ARHGAP12: variants seen among roughly 807,000 people sequenced by gnomAD.
ARHGAP12 encodes the protein Rho GTPase activating protein 12.
In ARHGAP12, 64 loss-of-function variants were observed where a neutral mutation model predicts 108.6. The ratio of observed to expected loss-of-function variants is 0.59; its 90% CI spans 0.48 to 0.73. The LOEUF (loss-of-function observed/expected upper bound fraction) is 0.73. ARHGAP12 is among the 30% of genes least tolerant of loss of function. The pLI is 0.00. For missense variants in ARHGAP12, 940 were observed against 1,005.9 expected (o/e 0.93, Z 0.89); for synonymous variants, 312 against 337.2 (o/e 0.93, Z 0.82).
At position 31,861,443 on chromosome 10, in the gene ARHGAP12, C is replaced by A. The variant is rs1328076290; in HGVS notation, c.900G>T (p.Arg300=). The stretch of plus-strand genomic sequence containing the variant: ...AATCTCCTTTGCTGATGCTTGCATC[C>A]CGAGTCCAACGAGGAGGTTTCCAAG... ...ERTWKPPRWT[R]DASISKGDFQ... The change falls in exon 4 of 20, where the codon CGG becomes CGT. Residue 300 remains arginine, a synonymous_variant. Transcript: ENST00000344936. The A allele has an allele frequency of 1.9e-6, 3 of 1,613,984 alleles. No individual in the cohort carries two copies. In the African/African-American group the frequency reaches 4.0e-5, roughly 22 times the overall value.
intron 3 of ARHGAP12, among the ~76,000 whole-genome samples, chr10:31,897,763 AAAC>A (rs1413761441): frequency 3.3e-5 from 5 of 152,314 alleles, no homozygotes; most frequent in Admixed American, 6.5e-5. Context: ...CAGTATGAAG[AAAC>A]AAAGCAAGCA....
Position 31,807,733 on chromosome 10 carries a change from T to C in ARHGAP12, c.2466A>G (p.Ile822Met), listed in dbSNP as rs974173371. Residue 822 changes from isoleucine to methionine, a missense_variant, in exon 20 of 20, where the codon ATA becomes ATG. Transcript: ENST00000344936. The part of the protein sequence containing the change: ...LLKPEKETGN[I>M]AVHTVYQNQI... ...GATTCTGGTACACAGTATGAACTGC[T>C]ATATTACCAGTCTCTTTTTCTGGTT... is the stretch of plus-strand genomic sequence containing the variant. 1.2e-6 allele frequency: 2 copies of C among 1,609,326 alleles called. No homozygotes were observed. The highest frequency in any genetic ancestry group is 1.3e-5 in the African/African-American group (1 of 74,624).
intron 14 of ARHGAP12, 111 bp downstream of exon 14, chr10:31,814,148 C>CT (rs1835116291): frequency 2.0e-5 from 17 of 833,832 alleles, no homozygotes; most frequent in Non-Finnish European, 3.4e-5. Flanking sequence ...ACTGCACAGC[C>CT]CTTTTGTAAC....
chr10:31,898,057 A>G (rs1259966786), intron 3 of ARHGAP12, among the ~76,000 whole-genome samples: 1 of 152,114 alleles, frequency 6.6e-6, no homozygotes, highest in African/African-American at 2.4e-5. Flanking sequence ...CCAGGAGGTC[A>G]AGGCTGCAGT....
chr10:31,896,606 A>G (rs1310040378), intron 3 of ARHGAP12, among the ~76,000 whole-genome samples: 1 of 152,174 alleles, frequency 6.6e-6, no homozygotes, highest in Non-Finnish European at 1.5e-5. Context: ...AACGAACATC[A>G]ATGTGATTAT....
intron 7 of ARHGAP12, among the ~76,000 whole-genome samples, chr10:31,843,195 A>G (rs1836332710): frequency 6.6e-6 from 1 of 152,138 alleles, no homozygotes; most frequent in African/African-American, 2.4e-5. Context: ...TGCAAAAACC[A>G]AAACCCTCAA....
At chr10:31,882,726 T>C (rs574474993) in intron 3 of ARHGAP12, among the ~76,000 whole-genome samples, 25 of 150,976 alleles carry the variant, frequency 1.7e-4, no homozygotes, top group African/African-American at 6.1e-4. Flanking sequence ...GGCAGGAGAA[T>C]TGTGTGAACT....
intron 9 of ARHGAP12, among the ~76,000 whole-genome samples, chr10:31,837,063 G>C (rs1219586458): frequency 6.6e-6 from 1 of 152,110 alleles, no homozygotes; most frequent in African/African-American, 2.4e-5. Flanking sequence ...TGGATAAATG[G>C]GTGGTGAAAT....
At chr10:31,912,323 T>C (rs893769858) in intron 1 of ARHGAP12, among the ~76,000 whole-genome samples, 10 of 152,180 alleles carry the variant, frequency 6.6e-5, no homozygotes, top group Non-Finnish European at 1.3e-4. Flanking sequence ...TAGTTAGACA[T>C]TTATCCCTAA....
At chr10:31,926,385 G>A (rs529308485) in intron 1 of ARHGAP12, among the ~76,000 whole-genome samples, 1 of 150,324 alleles carries the variant, frequency 6.7e-6, no homozygotes. Context: ...TTCCTCAAAA[G>A]AGGTAATCTG....
chr10:31,870,216 A>G (rs1361624250), intron 3 of ARHGAP12, among the ~76,000 whole-genome samples: 1 of 149,896 alleles, frequency 6.7e-6, no homozygotes, highest in Non-Finnish European at 1.5e-5. Flanking sequence ...AGTCTCCTTT[A>G]CCATAATTTC....
At chr10:31,834,351 A>G (rs1442816640) in intron 9 of ARHGAP12, among the ~76,000 whole-genome samples, 2 of 152,206 alleles carry the variant, frequency 1.3e-5, no homozygotes, top group African/African-American at 2.4e-5. Flanking sequence ...TGAAGCCCAC[A>G]TGAATCTAAT....
At position 31,908,519 on chromosome 10, in the gene ARHGAP12, G is replaced by C; in HGVS notation, c.337C>G (p.Leu113Val). 6.2e-7 allele frequency: 1 copy of C among 1,614,210 alleles called. No homozygotes were observed. The highest frequency in any genetic ancestry group is 8.5e-7 in the Non-Finnish European group (1 of 1,180,028). ...STENVNKLPE[L>V]SSFGKPSSSV... is the part of the protein sequence containing the mutation. The stretch of plus-strand genomic sequence containing the variant: ...GACGATGGCTTTCCGAAACTTGAAA[G>C]CTCAGGCAATTTGTTCACATTTTCT... The change falls in exon 3 of 20, where the codon CTT (leucine) becomes GTT (valine). Residue 113 changes from leucine (L) to valine (V), a missense_variant. Leu to Val is a conservative substitution (Grantham distance 32, BLOSUM62 1). Coordinates refer to ENST00000344936, the MANE Select transcript of ARHGAP12 (RefSeq NM_018287.7).
intron 4 of ARHGAP12, 107 bp from the exon 5 acceptor site, chr10:31,854,313 T>A: frequency 1.1e-6 from 1 of 926,474 alleles, no homozygotes; most frequent in Non-Finnish European, 1.5e-6. Context: ...GAAGATATCT[T>A]AAATATATCT....
intron 3 of ARHGAP12, among the ~76,000 whole-genome samples, chr10:31,895,315 C>G (rs1452697268): frequency 6.6e-6 from 1 of 152,154 alleles, no homozygotes; most frequent in African/African-American, 2.4e-5. Context: ...AACAGGCAAC[C>G]TACAGAATGG....
chr10:31,840,237 A>C (rs896550327), intron 7 of ARHGAP12, among the ~76,000 whole-genome samples: 4 of 152,066 alleles, frequency 2.6e-5, no homozygotes, highest in Non-Finnish European at 4.4e-5. Flanking sequence ...CAAAAATTAG[A>C]AATAAGATAT....
chr10:31,861,738 T>G, intron 3 of ARHGAP12, 80 bp from the exon 4 acceptor site: 1 of 1,317,704 alleles, frequency 7.6e-7, no homozygotes, highest in Non-Finnish European at 1.0e-6. Flanking sequence ...AGGAGATTTA[T>G]AAACAATACT....
intron 1 of ARHGAP12, among the ~76,000 whole-genome samples, chr10:31,928,207 T>C (rs887593042): frequency 1.3e-5 from 2 of 150,696 alleles, no homozygotes; most frequent in African/African-American, 4.9e-5. Context: ...CACCCGCCTT[T>C]TGCAGACACA....
In ARHGAP12 at chr10:31,874,736, G is replaced by A. The variant is rs190158199; in HGVS notation, c.685-13078C>T. 1.9e-4 allele frequency among the ~76,000 whole-genome samples: 29 copies of A among 151,962 alleles called. No homozygotes were observed. In the East Asian group the frequency reaches 3.1e-3, roughly 16 times the overall value. ...TGCCTGTAATCCTAGCACTTTGGGC[G>A]GCCGAGGCGTGCGGATCACCTGAGG... On this transcript the variant is annotated intron_variant, in intron 3 of 19. Transcript: ENST00000344936.
Sources: gnomAD v4.1 joint callset for allele counts (sites outside exome capture counted in the v4.1 genomes callset) on GRCh38, gnomAD v4.1.1 for gene constraint, MANE v1.5 for transcripts, NCBI Gene and HGNC (gene_info 2026-07-23, HGNC 2026-07-21) for gene names.